The following DCPS variants were observed in gnomAD, a reference collection of about 807,000 sequenced individuals.
The protein encoded by DCPS is m7GpppX diphosphatase.
DCPS carries 27 observed loss-of-function variants against 34.7 expected under a neutral mutation model. That is an observed-to-expected ratio of 0.78 (90% CI 0.57 to 1.07). DCPS has a LOEUF of 1.07. DCPS is among the 50% of genes least tolerant of loss of function. DCPS has a pLI of 0.00. For missense variants in DCPS, 464 were observed against 436.9 expected (o/e 1.06, Z -0.55); for synonymous variants, 185 against 185.7 (o/e 1.00, Z 0.03).
At chr11:126,304,960 G>T (rs1398447451) in intron 1 of DCPS, among the ~76,000 whole-genome samples, 1 of 152,098 alleles carries the variant, frequency 6.6e-6, no homozygotes, top group Non-Finnish European at 1.5e-5. Flanking sequence ...AGATATGGGG[G>T]TTCCCCAGAA....
intron 4 of DCPS, among the ~76,000 whole-genome samples, chr11:126,339,899 G>A (rs1241337818): frequency 3.3e-5 from 5 of 152,186 alleles, no homozygotes; most frequent in South Asian, 2.1e-4. Flanking sequence ...CACAGGAGGC[G>A]GGGCCCACCG....
chr11:126,327,555 G>T lies in DCPS; in HGVS notation c.377-3850G>T, dbSNP rs79661095. Among the ~76,000 whole-genome samples, 6 of 152,208 alleles carry T rather than the reference G, an allele frequency of 3.9e-5. No individual in the cohort carries two copies. The highest frequency in any genetic ancestry group is 1.4e-4 in the African/African-American group (6 of 41,454). ...CGTGTTTTCACCTGATGGTTTGATT[G>T]TTTATTGAGCATTGACTCCTGACCA... On this transcript the variant is annotated intron_variant, in intron 2 of 5. Transcript: ENST00000263579. The surrounding 1 kb of genome is among the most constrained non-coding windows in gnomAD (Gnocchi z 4.1).
In DCPS at chr11:126,347,637, A is replaced by G. The variant is rs575360056; in HGVS notation, c.*2024A>G. Among the ~76,000 whole-genome samples, 26 of 152,336 alleles carry G rather than the reference A, an allele frequency of 1.7e-4. No homozygotes were observed. In the South Asian group the frequency reaches 2.1e-3, roughly 12 times the overall value. ...ACAGAGAATCAGCAGGATCCATTTC[A>G]TGGCCACCACACATCTGACTGACTC... On this transcript the variant is annotated 3_prime_UTR_variant, in exon 6 of 6. Transcript: ENST00000263579. The surrounding 1 kb of genome is among the most constrained non-coding windows in gnomAD (Gnocchi z 4.2).
intron 2 of DCPS, 80 bp downstream of exon 2, chr11:126,306,824 T>G: frequency 6.8e-7 from 1 of 1,474,752 alleles, no homozygotes; most frequent in Non-Finnish European, 9.2e-7. Context: ...GACCAGACTC[T>G]CTATACCCGA....
Position 126,328,589 on chromosome 11 carries a change from G to A in DCPS, c.377-2816G>A, listed in dbSNP as rs1034935929. 2.0e-5 allele frequency among the ~76,000 whole-genome samples: 3 copies of A among 152,176 alleles called. No individual in the cohort carries two copies. Among genetic ancestry groups the A allele is most frequent in the Non-Finnish European group, 4.4e-5 (3 of 68,030 alleles). On this transcript the variant is annotated intron_variant, in intron 2 of 5. Coordinates refer to ENST00000263579, the MANE Select transcript of DCPS (RefSeq NM_014026.6). The surrounding 1 kb of genome is among the most constrained non-coding windows in gnomAD (Gnocchi z 6.6). ...GGCAGGTCTCCCACAGGCCTCGGCA[G>A]ACCAGGGCATGCTCACAGGCCGGGT...
chr11:126,345,171 A>C lies in DCPS; in HGVS notation c.748-176A>C, dbSNP rs1358942899. The stretch of plus-strand genomic sequence containing the variant: ...TGTCACCTGCACTTGTGGATTTCCT[A>C]GACTAGAAGACAGAGGAAGCTGAAG... On this transcript the variant is annotated intron_variant, in intron 5 of 5. Transcript: ENST00000263579. This position sits in a 1 kb window ranked among gnomAD's most constrained non-coding sequence, Gnocchi z 7.4. Among the ~76,000 whole-genome samples, 1 of 152,180 alleles carries C rather than the reference A, an allele frequency of 6.6e-6. No individual in the cohort carries two copies. Among genetic ancestry groups the C allele is most frequent in the Non-Finnish European group, 1.5e-5 (1 of 68,036 alleles).
intron 2 of DCPS, among the ~76,000 whole-genome samples, chr11:126,307,971 G>A (rs1284346234): frequency 6.6e-6 from 1 of 152,184 alleles, no homozygotes; most frequent in African/African-American, 2.4e-5. Context: ...CGGCCAGTGT[G>A]TCTGGTGCTG....
At position 126,347,110 on chromosome 11, in the gene DCPS, G is replaced by A. The variant is rs111703586; in HGVS notation, c.*1497G>A. On this transcript the variant is annotated 3_prime_UTR_variant, in exon 6 of 6. Transcript: ENST00000263579. The surrounding 1 kb of genome is among the most constrained non-coding windows in gnomAD (Gnocchi z 4.2). ...AAAAATTAAAAAAATAGAAACAGCC[G>A]GGGAGTGGAGGGTGTGGTCAGAAAG... Among the ~76,000 whole-genome samples, 7 of 151,902 alleles carry A rather than the reference G, an allele frequency of 4.6e-5. No homozygotes were observed. The highest frequency in any genetic ancestry group is 7.4e-5 in the Non-Finnish European group (5 of 67,962).
At chr11:126,318,576 A>T (rs1212407560) in intron 2 of DCPS, among the ~76,000 whole-genome samples, 1 of 152,210 alleles carries the variant, frequency 6.6e-6, no homozygotes, top group Non-Finnish European at 1.5e-5. Flanking sequence ...TGCCTTGCGA[A>T]GTCCGGTTAT....
Position 126,331,514 on chromosome 11 carries a change from T to C in DCPS, c.486T>C (p.Thr162=). ...CGGGAGATGACTACAGGAATATTAC[T>C]TTACCCCACCTGGAGTCCCAGAGCC... is the stretch of plus-strand genomic sequence containing the variant. The part of the protein sequence containing the change: ...RETGDDYRNI[T]LPHLESQSLS... The change falls in exon 3 of 6, where the codon ACT becomes ACC. Residue 162 remains threonine, a synonymous_variant. Transcript: ENST00000263579. This position sits in a 1 kb window ranked among gnomAD's most constrained non-coding sequence, Gnocchi z 7.2. 6.2e-7 allele frequency: 1 copy of C among 1,614,126 alleles called. No individual in the cohort carries two copies. The highest frequency in any genetic ancestry group is 8.5e-7 in the Non-Finnish European group (1 of 1,180,014).
rs1454653602 is a variant in DCPS at position 126,319,489 on chromosome 11, C to T, written c.377-11916C>T. 6.6e-6 allele frequency among the ~76,000 whole-genome samples: 1 copy of T among 152,066 alleles called. No individual in the cohort carries two copies. Among genetic ancestry groups the T allele is most frequent in the African/African-American group, 2.4e-5 (1 of 41,404 alleles). ...GGTAAGGCTGTCCTCACACGGCTCT[C>T]CAGAGCTCAGGGGAGTGGACTCTCC... On this transcript the variant is annotated intron_variant, in intron 2 of 5. Transcript: ENST00000263579. The surrounding 1 kb of genome is among the most constrained non-coding windows in gnomAD (Gnocchi z 4.5).
At position 126,346,201 on chromosome 11, in the gene DCPS, C is replaced by T. The variant is rs901249752; in HGVS notation, c.*588C>T. Among the ~76,000 whole-genome samples the T allele has an allele frequency of 7.2e-5, 11 of 152,270 alleles. No individual in the cohort carries two copies. The highest frequency in any genetic ancestry group is 2.1e-4 in the South Asian group (1 of 4,824). ...GGATAGGGGCTTGGTGCCTGGAAAT[C>T]GGCGGGTTTTAATAAGAATCAGATT... On this transcript the variant is annotated 3_prime_UTR_variant, in exon 6 of 6. Coordinates refer to ENST00000263579, the MANE Select transcript of DCPS (RefSeq NM_014026.6). The surrounding 1 kb of genome is among the most constrained non-coding windows in gnomAD (Gnocchi z 4.1).
rs1951753988 is a variant in DCPS at position 126,328,084 on chromosome 11, G to A, written c.377-3321G>A. ...TAGGAGGGTCAGCTCGGCCGTGGGA[G>A]CGGCCAGGGCACGGCCTGGAGAGGA... On this transcript the variant is annotated intron_variant, in intron 2 of 5. Coordinates refer to ENST00000263579, the MANE Select transcript of DCPS (RefSeq NM_014026.6). This position sits in a 1 kb window ranked among gnomAD's most constrained non-coding sequence, Gnocchi z 6.6. 6.6e-6 allele frequency among the ~76,000 whole-genome samples: 1 copy of A among 152,242 alleles called. No homozygotes were observed. The highest frequency in any genetic ancestry group is 1.5e-5 in the Non-Finnish European group (1 of 68,048).
At position 126,332,167 on chromosome 11, in the gene DCPS, C is replaced by T. The variant is rs1473271441; in HGVS notation, c.522+617C>T. 1.3e-5 allele frequency among the ~76,000 whole-genome samples: 2 copies of T among 152,288 alleles called. No individual in the cohort carries two copies. The highest frequency in any genetic ancestry group is 4.8e-5 in the African/African-American group (2 of 41,566). ...CTCAGAGGAAAAACTCTTCCCTCAC[C>T]GACTCCCCCTTGCATTCGTCCAAAA... On this transcript the variant is annotated intron_variant, in intron 3 of 5. Coordinates refer to ENST00000263579, the MANE Select transcript of DCPS (RefSeq NM_014026.6). The surrounding 1 kb of genome is among the most constrained non-coding windows in gnomAD (Gnocchi z 5.4).
intron 2 of DCPS, among the ~76,000 whole-genome samples, chr11:126,317,053 G>A (rs1951668601): frequency 6.7e-6 from 1 of 149,858 alleles, no homozygotes; most frequent in Non-Finnish European, 1.5e-5. Context: ...CCGCCTCCCA[G>A]GTTCATGCCA....
At chr11:126,308,949 A>G (rs1490607834) in intron 2 of DCPS, among the ~76,000 whole-genome samples, 1 of 151,024 alleles carries the variant, frequency 6.6e-6, no homozygotes, top group East Asian at 1.9e-4. Flanking sequence ...CCCACTCAGA[A>G]CCCCAGGTGT....
At chr11:126,307,555 C>A (rs1260777391) in intron 2 of DCPS, among the ~76,000 whole-genome samples, 1 of 151,830 alleles carries the variant, frequency 6.6e-6, no homozygotes, top group Non-Finnish European at 1.5e-5. Context: ...GGATTACAGG[C>A]GCCCACCACC....
intron 2 of DCPS, among the ~76,000 whole-genome samples, chr11:126,307,493 C>A (rs1215664387): frequency 6.6e-6 from 1 of 152,030 alleles, no homozygotes; most frequent in Admixed American, 6.6e-5. Flanking sequence ...TCGCTGCAAC[C>A]TCCGCCTCAC....
In DCPS at chr11:126,313,740, CAG is replaced by C. The variant is rs1372431391; in HGVS notation, c.376+7002_376+7003del. ...TATCCTTGGTCGGGGTGTGGCAGGA[CAG>C]AGAGAATGTTAAAATTTCTGGTTAT... On this transcript the variant is annotated intron_variant, in intron 2 of 5. Transcript: ENST00000263579. The surrounding 1 kb of genome is among the most constrained non-coding windows in gnomAD (Gnocchi z 4.9). 8.5e-5 allele frequency among the ~76,000 whole-genome samples: 13 copies of C among 152,158 alleles called. No individual in the cohort carries two copies. The highest frequency in any genetic ancestry group is 3.1e-4 in the African/African-American group (13 of 41,440).
Sources: gnomAD v4.1 joint callset for allele counts (sites outside exome capture counted in the v4.1 genomes callset) on GRCh38, gnomAD v4.1.1 for gene constraint, Gnocchi (gnomAD v3.1) non-coding constraint, MANE v1.5 for transcripts, NCBI Gene and HGNC (gene_info 2026-07-23, HGNC 2026-07-21) for gene names.